Variants in CNTNAP2 observed in about 807,000 individuals in gnomAD.
CNTNAP2 encodes contactin-associated protein-like 2.
In CNTNAP2, 98 loss-of-function variants were observed where a neutral mutation model predicts 155.2. The ratio of observed to expected loss-of-function variants is 0.63; its 90% confidence interval spans 0.54 to 0.75. The LOEUF is 0.75. Ranked by LOEUF, CNTNAP2 falls within the 30% of genes least tolerant of loss-of-function variation. CNTNAP2 has a pLI of 0.00. For missense variants in CNTNAP2, 1,727 were observed against 1,688.1 expected, an observed-to-expected ratio of 1.02 and a Z score of -0.40; for synonymous variants, 651 against 631.2, an observed-to-expected ratio of 1.03 and a Z score of -0.47.
chr7:146,574,720 A>G (rs1215519308), intron 1 of CNTNAP2, among the ~76,000 whole-genome samples: 1 of 152,136 alleles, frequency 6.6e-6, no homozygotes, highest in Non-Finnish European at 1.5e-5. Flanking sequence ...CAAACAAACA[A>G]GCAAACCCAA....
chr7:147,164,288 A>G (rs1380402448), intron 8 of CNTNAP2, among the ~76,000 whole-genome samples: 2 of 152,208 alleles, frequency 1.3e-5, no homozygotes, highest in African/African-American at 4.8e-5. Context: ...CTGCTTATTC[A>G]TTGTGAGACA....
chr7:147,426,255 C>G (rs1387215272), intron 10 of CNTNAP2, among the ~76,000 whole-genome samples: 2 of 151,208 alleles, frequency 1.3e-5, no homozygotes, highest in Non-Finnish European at 2.9e-5. Context: ...TCCTAATTAT[C>G]TTTTATAGAG....
At chr7:147,931,207 T>TTA (rs753601479) in intron 14 of CNTNAP2, among the ~76,000 whole-genome samples, 1 of 124,646 alleles carries the variant, frequency 8.0e-6, no homozygotes. Context: ...ATAAACAGAG[T>TTA]AAAAAAAAAA....
intron 14 of CNTNAP2, among the ~76,000 whole-genome samples, chr7:147,933,082 TTTG>T (rs766556302): frequency 6.0e-4 from 89 of 148,362 alleles, no homozygotes; most frequent in Non-Finnish European, 1.0e-3. Flanking sequence ...TGTTTGTTTG[TTTG>T]TTTGTTTGTT....
rs910001062 is a variant in CNTNAP2 at position 146,932,226 on chromosome 7, C to T, written c.402+92322C>T. Among the ~76,000 whole-genome samples the T allele has an allele frequency of 3.0e-4, 46 of 152,124 alleles. 1 individual carries two copies. The highest frequency in any genetic ancestry group is 4.9e-4 in the Non-Finnish European group (33 of 68,006). On this transcript the variant is annotated intron_variant, in intron 3 of 23. Coordinates refer to ENST00000361727, the MANE Select transcript of CNTNAP2 (RefSeq NM_014141.6). ...AAACTGAATCCAGCAGCACATCAAA[C>T]AGCTTATCACCTTGATCAAGTGGGC...
chr7:148,075,265 C>T (rs374107613), intron 15 of CNTNAP2, among the ~76,000 whole-genome samples: 13 of 152,066 alleles, frequency 8.5e-5, no homozygotes, highest in African/African-American at 2.7e-4. Context: ...GGTGAAACCC[C>T]GTCTCTACTA....
chr7:146,746,223 A>G (rs1056337119), intron 1 of CNTNAP2, among the ~76,000 whole-genome samples: 1 of 152,254 alleles, frequency 6.6e-6, no homozygotes, highest in African/African-American at 2.4e-5. Context: ...TGTGTTGGTC[A>G]TAAAAGTTAA....
rs145298480 is a variant in CNTNAP2 at position 146,774,106 on chromosome 7, T to C, written c.98-165T>C. On this transcript the variant is annotated intron_variant, in intron 1 of 23. Transcript: ENST00000361727. ...GGTTATATAAACAGCTCCTGTGTTATATTATATTTAGGATAACAGAATTGC... is the reference window on the plus strand; with the variant it reads ...GGTTATATAAACAGCTCCTGTGTTACATTATATTTAGGATAACAGAATTGC... Among the ~76,000 whole-genome samples the C allele has an allele frequency of 2.1e-3, 324 of 152,332 alleles. 2 individuals carry two copies. The highest frequency in any genetic ancestry group is 7.5e-3 in the African/African-American group (310 of 41,560).
intron 1 of CNTNAP2, among the ~76,000 whole-genome samples, chr7:146,406,360 A>G (rs947521116): frequency 5.3e-5 from 8 of 152,216 alleles, no homozygotes; most frequent in Non-Finnish European, 1.0e-4. Context: ...TGCACATTTA[A>G]TGATAAACCA....
At chr7:146,404,535 A>T (rs1343061077) in intron 1 of CNTNAP2, among the ~76,000 whole-genome samples, 1 of 152,154 alleles carries the variant, frequency 6.6e-6, no homozygotes, top group Non-Finnish European at 1.5e-5. Flanking sequence ...CCTCCAATCC[A>T]ATTTCAAATT....
At chr7:147,211,223 G>A (rs1166155672) in intron 8 of CNTNAP2, among the ~76,000 whole-genome samples, 1 of 151,908 alleles carries the variant, frequency 6.6e-6, no homozygotes, top group Non-Finnish European at 1.5e-5. Context: ...TGCTGTCAGT[G>A]GGGTGTTTAA....
Position 148,383,671 on chromosome 7 carries a change from G to T in CNTNAP2, c.3498G>T (p.Glu1166Asp). 1 of 1,614,166 alleles carries T rather than the reference G, an allele frequency of 6.2e-7. No homozygotes were observed. Among genetic ancestry groups the T allele is most frequent in the Non-Finnish European group, 8.5e-7 (1 of 1,180,046 alleles). ...KVIETGKIDQ[E>D]IHKYNTPGFT... is the part of the protein sequence containing the mutation. Reference sequence around the variant, plus strand: ...TAGAAACAGGGAAAATTGACCAAGAGATTCACAAATACAACACCCCAGGAT... The same window carrying T: ...TAGAAACAGGGAAAATTGACCAAGATATTCACAAATACAACACCCCAGGAT... Residue 1166 changes from glutamate to aspartate, a missense_variant, in exon 22 of 24, where the codon GAG becomes GAT. Glu to Asp is a conservative substitution (Grantham distance 45, BLOSUM62 2). Transcript: ENST00000361727.
intron 8 of CNTNAP2, among the ~76,000 whole-genome samples, chr7:147,275,451 A>G (rs13230730): frequency 0.043 from 6,485 of 151,528 alleles, 153 homozygotes; most frequent in Non-Finnish European, 0.052. Context: ...ATTGTAAGTG[A>G]AATTGAGTTC....
intron 15 of CNTNAP2, among the ~76,000 whole-genome samples, chr7:147,991,099 AG>A (rs1801704198): frequency 6.6e-6 from 1 of 152,120 alleles, no homozygotes; most frequent in Admixed American, 6.6e-5. Flanking sequence ...AGAAAGTCCT[AG>A]GGTTTAGAAA....
At chr7:147,796,498 T>G (rs188669987) in intron 13 of CNTNAP2, among the ~76,000 whole-genome samples, 1 of 151,750 alleles carries the variant, frequency 6.6e-6, no homozygotes, top group East Asian at 1.9e-4. Context: ...TGAGGTTCTG[T>G]TTGCTAAGCA....
In CNTNAP2 at chr7:147,139,357, T is replaced by G. The variant is rs541521151; in HGVS notation, c.1348+6848T>G. On this transcript the variant is annotated intron_variant, in intron 8 of 23. Transcript: ENST00000361727. ...AGTAGAGATATATCTAAGTCAACTT[T>G]AGATGTTTTTGCAATTGCGTGTCTA... Among the ~76,000 whole-genome samples the G allele has an allele frequency of 9.2e-5, 14 of 152,234 alleles. No homozygotes were observed. The South Asian group carries it at 2.9e-3, about 31-fold the overall frequency.
chr7:146,394,546 A>G (rs1412245192), intron 1 of CNTNAP2, among the ~76,000 whole-genome samples: 1 of 152,100 alleles, frequency 6.6e-6, no homozygotes, highest in Non-Finnish European at 1.5e-5. Context: ...CTTGGCCTGT[A>G]TACACTTTCA....
At chr7:148,128,024 C>T (rs957920501) in intron 16 of CNTNAP2, among the ~76,000 whole-genome samples, 3 of 152,142 alleles carry the variant, frequency 2.0e-5, no homozygotes, top group Non-Finnish European at 4.4e-5. Flanking sequence ...TGCACGCCAC[C>T]ACACTCGGTT....
intron 9 of CNTNAP2, among the ~76,000 whole-genome samples, chr7:147,385,547 A>G (rs1165641774): frequency 6.6e-6 from 1 of 152,216 alleles, no homozygotes; most frequent in Non-Finnish European, 1.5e-5. Flanking sequence ...CAAGTCCAAA[A>G]TCCAGCAAGG....
Sources: gnomAD v4.1 joint callset for allele counts (sites outside exome capture counted in the v4.1 genomes callset) on GRCh38, gnomAD v4.1.1 for gene constraint, MANE v1.5 for transcripts, NCBI Gene and HGNC (gene_info 2026-07-23, HGNC 2026-07-21) for gene names.